CNNM4: variants seen among roughly 807,000 people sequenced by gnomAD.
The protein encoded by CNNM4 is metal transporter CNNM4.
CNNM4 carries 32 observed loss-of-function variants against 53.7 expected under a neutral mutation model. That is an observed-to-expected ratio of 0.60 (90% CI 0.45 to 0.80). The LOEUF (loss-of-function observed/expected upper bound fraction) is 0.80, where lower values mean the gene tolerates loss of function less well. CNNM4 is among the 30% of genes least tolerant of loss of function. The pLI is 0.00. For missense variants in CNNM4, 784 were observed against 1,022.0 expected (o/e 0.77, Z 3.17); for synonymous variants, 410 against 440.0 (o/e 0.93, Z 0.85).
intron 1 of CNNM4, among the ~76,000 whole-genome samples, chr2:96,795,687 G>A (rs776217550): frequency 3.9e-4 from 60 of 152,124 alleles, no homozygotes; most frequent in South Asian, 6.2e-4. Flanking sequence ...TCCCTAGAGC[G>A]AGGCCCTTGG....
At chr2:96,788,308 GTA>G (rs1449384610) in intron 1 of CNNM4, among the ~76,000 whole-genome samples, 1 of 150,772 alleles carries the variant, frequency 6.6e-6, no homozygotes, top group Non-Finnish European at 1.5e-5. Flanking sequence ...AGTCTAGCGA[GTA>G]TAGAGTGTAT....
At chr2:96,792,262 CCACA>C (rs1275267550) in intron 1 of CNNM4, among the ~76,000 whole-genome samples, 14 of 144,572 alleles carry the variant, frequency 9.7e-5, no homozygotes, top group East Asian at 6.1e-4. Flanking sequence ...AAAAAAAAAA[CCACA>C]CACACACAAA....
intron 1 of CNNM4, 50 bp from the exon 2 acceptor site, chr2:96,796,962 C>T (rs1356756405): frequency 6.2e-7 from 1 of 1,603,008 alleles, no homozygotes; most frequent in African/African-American, 1.3e-5. Flanking sequence ...TTGAGGGAGT[C>T]TCATGACTGG....
chr2:96,798,647 C>T (rs995753144), intron 3 of CNNM4, among the ~76,000 whole-genome samples: 2 of 152,082 alleles, frequency 1.3e-5, no homozygotes, highest in African/African-American at 4.8e-5. Context: ...GATATTGATG[C>T]TGATGCAATA....
chr2:96,767,785 A>G lies in CNNM4; in HGVS notation c.1402+5384A>G, dbSNP rs529090786. Among the ~76,000 whole-genome samples, 4 of 152,338 alleles carry G rather than the reference A, an allele frequency of 2.6e-5. No homozygotes were observed. The East Asian group carries it at 7.7e-4, about 29-fold the overall frequency. Reference sequence around the variant, plus strand: ...GAAAAGCTAGAAATATTTTCATTAAAAAAATCCTCCTGGCTGTGGCTCACG... The same window carrying G: ...GAAAAGCTAGAAATATTTTCATTAAGAAAATCCTCCTGGCTGTGGCTCACG... On this transcript the variant is annotated intron_variant, in intron 1 of 6. Transcript: ENST00000377075.
At chr2:96,793,511 G>C (rs1419735146) in intron 1 of CNNM4, among the ~76,000 whole-genome samples, 1 of 152,210 alleles carries the variant, frequency 6.6e-6, no homozygotes, top group Non-Finnish European at 1.5e-5. Context: ...CACCTACAAG[G>C]TGCCTGTCAT....
At chr2:96,785,601 C>T (rs1294606487) in intron 1 of CNNM4, among the ~76,000 whole-genome samples, 2 of 151,822 alleles carry the variant, frequency 1.3e-5, no homozygotes, top group Non-Finnish European at 2.9e-5. Context: ...ACTCTGCACT[C>T]CAGCCTGGGC....
Position 96,808,619 on chromosome 2 carries a change from C to A in CNNM4, c.2007C>A (p.Asp669Glu). 1.2e-6 allele frequency: 2 copies of A among 1,614,194 alleles called. No individual in the cohort carries two copies. The highest frequency in any genetic ancestry group is 1.7e-6 in the Non-Finnish European group (2 of 1,180,038). The change falls in exon 6 of 7, where the codon GAC (aspartate) becomes GAA (glutamate). Residue 669 changes from aspartate (D) to glutamate (E), a missense_variant. Around this residue, in one of 3 missense-constraint regions of CNNM4, gnomAD observed 307 missense variants for 376.3 expected, o/e 0.82. Transcript: ENST00000377075. This position sits in a 1 kb window ranked among gnomAD's most constrained non-coding sequence, Gnocchi z 4.9. ...LSRSASLSYP[D>E]RTDVSTAATL... is the part of the protein sequence containing the mutation. ...GCTCAGCCTCCCTCAGTTACCCAGA[C>A]CGCACAGACGTCTCAACTGCAGCAA...
Position 96,808,297 on chromosome 2 carries a change from G to A in CNNM4, c.1949-264G>A, listed in dbSNP as rs1248038887. 6.6e-6 allele frequency among the ~76,000 whole-genome samples: 1 copy of A among 152,106 alleles called. No homozygotes were observed. Among genetic ancestry groups the A allele is most frequent in the Non-Finnish European group, 1.5e-5 (1 of 68,006 alleles). On this transcript the variant is annotated intron_variant, in intron 5 of 6. Transcript: ENST00000377075. This position sits in a 1 kb window ranked among gnomAD's most constrained non-coding sequence, Gnocchi z 4.9. The stretch of plus-strand genomic sequence containing the variant: ...GTAGCCATAAACTTTCTAAGTCTGT[G>A]GTTTTTATTTTCTGTTTGGTTGATT...
intron 5 of CNNM4, among the ~76,000 whole-genome samples, chr2:96,807,620 A>G (rs2079221631): frequency 6.6e-6 from 1 of 152,056 alleles, no homozygotes; most frequent in African/African-American, 2.4e-5. Context: ...CTGTAATCCC[A>G]GCTACTCAGG....
rs534796210 is a variant in CNNM4, at chr2:96,806,930, C to G, written c.1949-1631C>G. Among the ~76,000 whole-genome samples the G allele has an allele frequency of 6.8e-4, 103 of 152,306 alleles. 1 individual carries two copies. Among genetic ancestry groups the G allele is most frequent in the African/African-American group, 2.4e-3 (100 of 41,576 alleles). On this transcript the variant is annotated intron_variant, in intron 5 of 6. Coordinates refer to ENST00000377075, the MANE Select transcript of CNNM4 (RefSeq NM_020184.4). ...GAGAAGCGCCTGTCACCCTGACCCG[C>G]CCCGGCCAGGCTGGCTGGGTTGCAG...
intron 1 of CNNM4, among the ~76,000 whole-genome samples, chr2:96,771,124 C>T (rs1426346946): frequency 6.6e-6 from 1 of 152,102 alleles, no homozygotes; most frequent in African/African-American, 2.4e-5. Flanking sequence ...CAGCTCTCAG[C>T]CCCTGTGTCT....
At chr2:96,792,186 C>T (rs1159005495) in intron 1 of CNNM4, among the ~76,000 whole-genome samples, 2 of 146,956 alleles carry the variant, frequency 1.4e-5, no homozygotes, top group African/African-American at 2.5e-5. Flanking sequence ...GTGGAGATTG[C>T]AGTGAGCTGA....
At position 96,760,934 on chromosome 2, in the gene CNNM4, TGCGGTGCGGACCGGGGCC is replaced by T. The variant is rs2078753779; in HGVS notation, c.-62_-45del. 1 of 877,600 alleles carries T rather than the reference TGCGGTGCGGACCGGGGCC, an allele frequency of 1.1e-6. No homozygotes were observed. Among genetic ancestry groups the T allele is most frequent in the African/African-American group, 1.9e-5 (1 of 53,882 alleles). The allele number at this position is 877,600 out of a possible 1,614,324, so 54.4% of individuals were successfully genotyped here. ...TCGGCGGCAGCGGAGCGGCCGGAGC[TGCGGTGCGGACCGGGGCC>T]GCGCGGCGTGGCGCGGGGAGCGGCG... On this transcript the variant is annotated 5_prime_UTR_variant, in exon 1 of 7. Coordinates refer to ENST00000377075, the MANE Select transcript of CNNM4 (RefSeq NM_020184.4).
chr2:96,809,225 C>T, intron 6 of CNNM4, 95 bp from the exon 7 acceptor site: 1 of 1,570,934 alleles, frequency 6.4e-7, no homozygotes, highest in Non-Finnish European at 8.6e-7. Flanking sequence ...TCTCTCTCAA[C>T]TCACAGCCTC....
intron 1 of CNNM4, among the ~76,000 whole-genome samples, chr2:96,776,392 A>G (rs2078925035): frequency 6.6e-6 from 1 of 152,062 alleles, no homozygotes; most frequent in Non-Finnish European, 1.5e-5. Context: ...AGTACATGTG[A>G]TAATTTGATA....
At chr2:96,765,036 T>A (rs1269360847) in intron 1 of CNNM4, among the ~76,000 whole-genome samples, 5 of 97,440 alleles carry the variant, frequency 5.1e-5, no homozygotes, top group African/African-American at 3.4e-4. Context: ...TTTTTTTTTT[T>A]TTTTTTTTTT....
At chr2:96,776,520 C>G (rs1432211582) in intron 1 of CNNM4, among the ~76,000 whole-genome samples, 1 of 152,188 alleles carries the variant, frequency 6.6e-6, no homozygotes, top group African/African-American at 2.4e-5. Flanking sequence ...GTAAAATTGA[C>G]TAATGTTAAC....
At chr2:96,767,875 G>A (rs2078832475) in intron 1 of CNNM4, among the ~76,000 whole-genome samples, 6 of 152,202 alleles carry the variant, frequency 3.9e-5, no homozygotes, top group Admixed American at 3.9e-4. Flanking sequence ...TTCGAGACCA[G>A]CCTGGCCAAC....
Sources: gnomAD v4.1 joint callset for allele counts (sites outside exome capture counted in the v4.1 genomes callset) on GRCh38, gnomAD v4.1.1 for gene constraint, gnomAD v4.1.1 regional missense constraint, Gnocchi (gnomAD v3.1) non-coding constraint, MANE v1.5 for transcripts, NCBI Gene and HGNC (gene_info 2026-07-23, HGNC 2026-07-21) for gene names.